Variants in MAD1L1 observed in about 807,000 individuals in gnomAD.
The protein encoded by MAD1L1 is mitotic arrest deficient 1 like 1.
In MAD1L1, 95 loss-of-function variants were observed where a neutral mutation model predicts 96.9. The ratio of observed to expected loss-of-function variants is 0.98; its 90% confidence interval spans 0.83 to 1.16. The LOEUF (loss-of-function observed/expected upper bound fraction) is 1.16. MAD1L1 is among the 50% of genes most tolerant of loss of function. The pLI is 0.00. For missense variants in MAD1L1, 1,007 were observed against 954.4 expected (o/e 1.06, Z -0.73); for synonymous variants, 473 against 396.6 (o/e 1.19, Z -2.29).
At chr7:2,202,007 T>C (rs1403477213) in intron 10 of MAD1L1, 1 of 152,280 alleles carries the variant, frequency 6.6e-6, no homozygotes, top group Non-Finnish European at 1.5e-5. Flanking sequence ...TGGCCTTGCT[T>C]TGGGGGTCTC....
intron 10 of MAD1L1, among the ~76,000 whole-genome samples, chr7:2,165,238 G>T (rs1002843126): frequency 3.9e-5 from 6 of 152,050 alleles, no homozygotes; most frequent in African/African-American, 1.4e-4. Context: ...AATAGAAAGG[G>T]AAGAATTTAT....
intron 10 of MAD1L1, among the ~76,000 whole-genome samples, chr7:2,166,223 ATC>A (rs2128591745): frequency 6.6e-6 from 1 of 152,274 alleles, no homozygotes; most frequent in African/African-American, 2.4e-5. Flanking sequence ...ACTGGCCCCC[ATC>A]TCTCTGAGCT....
chr7:1,884,694 GA>G (rs1421959775), intron 18 of MAD1L1, among the ~76,000 whole-genome samples: 2 of 152,214 alleles, frequency 1.3e-5, no homozygotes, highest in Non-Finnish European at 2.9e-5. Flanking sequence ...GGGCGGAGGA[GA>G]ACCCCTGGTC....
intron 16 of MAD1L1, among the ~76,000 whole-genome samples, chr7:1,938,321 C>T (rs181377914): frequency 3.5e-4 from 54 of 152,300 alleles, no homozygotes; most frequent in African/African-American, 1.3e-3. Context: ...CCCGACCTCA[C>T]ATCACACACA....
At chr7:1,995,901 G>A (rs1049530825) in intron 14 of MAD1L1, among the ~76,000 whole-genome samples, 1 of 152,164 alleles carries the variant, frequency 6.6e-6, no homozygotes, top group African/African-American at 2.4e-5. Flanking sequence ...GATGGGTCCG[G>A]AAGGTGAAAT....
rs566614262 is a variant in MAD1L1, at chr7:2,054,117, C to A, written c.1218+15077G>T. 3.9e-5 allele frequency among the ~76,000 whole-genome samples: 6 copies of A among 152,360 alleles called. No homozygotes were observed. In the East Asian group the frequency reaches 1.2e-3, roughly 29 times the overall value. The stretch of plus-strand genomic sequence containing the variant: ...CACCTCCCCCAACACAGTGCTGTGG[C>A]CATCTCCTCAAATCTCCCTGAAAGG... On this transcript the variant is annotated intron_variant, in intron 12 of 18. Coordinates refer to ENST00000265854, the MANE Select transcript of MAD1L1 (RefSeq NM_001013836.2).
chr7:2,005,109 C>T (rs1200968057), intron 13 of MAD1L1, among the ~76,000 whole-genome samples: 3 of 152,298 alleles, frequency 2.0e-5, no homozygotes, highest in East Asian at 1.9e-4. Flanking sequence ...AGCTATGGCT[C>T]GGCTCACACG....
At chr7:1,907,415 C>T (rs1787729600) in intron 17 of MAD1L1, among the ~76,000 whole-genome samples, 1 of 152,228 alleles carries the variant, frequency 6.6e-6, no homozygotes, top group Non-Finnish European at 1.5e-5. Context: ...GAATCAAATA[C>T]AGTTAACCAA....
chr7:1,835,716 G>A (rs911843634), intron 18 of MAD1L1, among the ~76,000 whole-genome samples: 1 of 152,094 alleles, frequency 6.6e-6, no homozygotes, highest in Admixed American at 6.5e-5. Flanking sequence ...AAGTTTATTA[G>A]GAAAGTAAAG....
intron 12 of MAD1L1, among the ~76,000 whole-genome samples, chr7:2,040,977 G>A (rs1305749191): frequency 1.3e-5 from 2 of 152,184 alleles, no homozygotes; most frequent in Admixed American, 6.5e-5. Context: ...TCACAATCAC[G>A]TGTGTCTCTC....
chr7:1,886,581 G>A (rs984266993), intron 18 of MAD1L1, among the ~76,000 whole-genome samples: 5 of 152,206 alleles, frequency 3.3e-5, no homozygotes, highest in Non-Finnish European at 5.9e-5. Flanking sequence ...ACACCACACT[G>A]TGTCTGCAAA....
At chr7:1,907,195 C>T (rs993571673) in intron 17 of MAD1L1, among the ~76,000 whole-genome samples, 1 of 152,178 alleles carries the variant, frequency 6.6e-6, no homozygotes, top group East Asian at 1.9e-4. Flanking sequence ...CCACTGCCAC[C>T]GCCTTGCCCC....
intron 10 of MAD1L1, among the ~76,000 whole-genome samples, chr7:2,154,206 G>A (rs1322208665): frequency 6.6e-6 from 1 of 152,158 alleles, no homozygotes; most frequent in Non-Finnish European, 1.5e-5. Context: ...TGGCTGGAAT[G>A]GGAGGTGACC....
At chr7:2,183,377 A>C (rs540135122) in intron 10 of MAD1L1, among the ~76,000 whole-genome samples, 3 of 152,242 alleles carry the variant, frequency 2.0e-5, no homozygotes, top group African/African-American at 4.8e-5. Context: ...GGAAAAATCA[A>C]TAATAGAAAG....
intron 10 of MAD1L1, among the ~76,000 whole-genome samples, chr7:2,167,690 A>G (rs1327824990): frequency 6.6e-6 from 1 of 152,022 alleles, no homozygotes; most frequent in African/African-American, 2.4e-5. Context: ...TGATCACATC[A>G]CTGCACTCCA....
chr7:2,230,401 G>A (rs1276123366), intron 2 of MAD1L1, 148 bp downstream of exon 2: 1 of 390,224 alleles, frequency 2.6e-6, no homozygotes, highest in East Asian at 4.8e-5. Flanking sequence ...CACATGGACA[G>A]ATGGACAGCT....
intron 15 of MAD1L1, among the ~76,000 whole-genome samples, chr7:1,963,680 T>C (rs1780040902): frequency 6.6e-6 from 1 of 152,216 alleles, no homozygotes; most frequent in South Asian, 2.1e-4. Flanking sequence ...GAGGCGAGGC[T>C]GCTGGCCAGG....
intron 18 of MAD1L1, among the ~76,000 whole-genome samples, chr7:1,893,734 C>T (rs186943290): frequency 6.2e-4 from 95 of 152,318 alleles, no homozygotes; most frequent in Non-Finnish European, 1.3e-3. Flanking sequence ...GACCACATTC[C>T]TCATGACAGA....
intron 15 of MAD1L1, among the ~76,000 whole-genome samples, chr7:1,970,073 C>T (rs1002309366): frequency 7.9e-5 from 12 of 152,076 alleles, no homozygotes; most frequent in Admixed American, 3.3e-4. Flanking sequence ...CGCTCGAGGG[C>T]GTTGTGCTGA....
Sources: gnomAD v4.1 joint callset for allele counts (sites outside exome capture counted in the v4.1 genomes callset) on GRCh38, gnomAD v4.1.1 for gene constraint, MANE v1.5 for transcripts, NCBI Gene and HGNC (gene_info 2026-07-23, HGNC 2026-07-21) for gene names.